The following ZNF432 variants were observed in gnomAD, a reference collection of about 807,000 sequenced individuals.
The protein encoded by ZNF432 is zinc finger protein 432.
ZNF432 carries 10 observed loss-of-function variants against 13.9 expected under a neutral mutation model. The ratio of observed to expected loss-of-function variants is 0.72; its 90% CI spans 0.44 to 1.22. ZNF432 has a LOEUF of 1.22. ZNF432 is among the 50% of genes most tolerant of loss of function. The pLI, the probability that ZNF432 is intolerant of heterozygous loss-of-function variation, is 0.00. For synonymous variants in ZNF432, 247 were observed against 256.2 expected (o/e 0.96, Z 0.34); for missense variants, 793 against 796.2 (o/e 1.00, Z 0.05).
rs774434318 is a variant in ZNF432 at position 52,034,718 on chromosome 19, C to G, written c.961G>C (p.Glu321Gln). The change falls in exon 5 of 5, where the codon GAA becomes CAA. Residue 321 changes from glutamate (E) to glutamine (Q), a missense_variant. Transcript: ENST00000221315. ...HTGEKSYICS[E>Q]CGKGFTGKSM... ...TTCCCAGTGAAGCCTTTTCCACATT[C>G]ACTACATATATAGGATTTCTCTCCA... 1 of 1,613,952 alleles carries G rather than the reference C, an allele frequency of 6.2e-7. No individual in the cohort carries two copies. The highest frequency in any genetic ancestry group is 1.7e-5 in the Admixed American group (1 of 59,996).
At position 52,034,555 on chromosome 19, in the gene ZNF432, C is replaced by T. The variant is rs746394212; in HGVS notation, c.1124G>A (p.Cys375Tyr). 1 of 1,613,642 alleles carries T rather than the reference C, an allele frequency of 6.2e-7. No homozygotes were observed. The highest frequency in any genetic ancestry group is 1.1e-5 in the South Asian group (1 of 91,064). The change falls in exon 5 of 5, where the codon TGC (cysteine) becomes TAC (tyrosine). Residue 375 changes from cysteine (C) to tyrosine (Y), a missense_variant. Physicochemically the swap from Cys to Tyr is radical, Grantham distance 194. Transcript: ENST00000221315. ...GGTGAAGCCTTTCCCACATTCATTG[C>T]ATATATATGGTTTCTCTCCTGTATG... ...RNHTGEKPYI[C>Y]NECGKGFTMK...
chr19:52,045,319 TATGAAGAGGGA>T (rs1488906101), intron 2 of ZNF432, among the ~76,000 whole-genome samples: 1 of 151,740 alleles, frequency 6.6e-6, no homozygotes, highest in Non-Finnish European at 1.5e-5. Flanking sequence ...GGAAGAAAGT[TATGAAGAGGGA>T]ATCTACTTTT....
At chr19:52,041,704 A>G (rs1412688868) in intron 2 of ZNF432, 98 bp from the exon 3 acceptor site, 2 of 1,417,348 alleles carry the variant, frequency 1.4e-6, no homozygotes, top group African/African-American at 1.4e-5. Context: ...TTAAACATAT[A>G]GACTGCATCC....
At chr19:52,048,128 AAC>A (rs3138637) in intron 1 of ZNF432, among the ~76,000 whole-genome samples, 2,887 of 103,302 alleles carry the variant, frequency 0.028, 48 homozygotes, top group East Asian at 0.084. Context: ...GTTTGAGCTC[AAC>A]ACACACACAC....
At chr19:52,037,051 T>G (rs2087089086) in intron 4 of ZNF432, among the ~76,000 whole-genome samples, 1 of 152,232 alleles carries the variant, frequency 6.6e-6, no homozygotes, top group Admixed American at 6.5e-5. Context: ...CATGTGGTTT[T>G]GGGATTATTT....
chr19:52,034,430 T>C lies in ZNF432; in HGVS notation c.1249A>G (p.Ile417Val). ...ACTGTATGATTTCTCTGATGTACAA[T>C]AAGATTACTCTTCCTGGGAAAGCCT... ...GKGFPRKSNL[I>V]VHQRNHTVEK... is the part of the protein sequence containing the mutation. Residue 417 changes from isoleucine (I) to valine (V), a missense_variant, in exon 5 of 5, where the codon ATT becomes GTT. By Grantham distance (29) the Ile-to-Val change is conservative (BLOSUM62 3). Coordinates refer to ENST00000221315, the MANE Select transcript of ZNF432 (RefSeq NM_014650.4). 1 of 1,614,058 alleles carries C rather than the reference T, an allele frequency of 6.2e-7. No homozygotes were observed. Among genetic ancestry groups the C allele is most frequent in the Non-Finnish European group, 8.5e-7 (1 of 1,180,006 alleles).
At chr19:52,048,178 CACACAA>C (rs1180713622) in intron 1 of ZNF432, among the ~76,000 whole-genome samples, 9 of 143,930 alleles carry the variant, frequency 6.3e-5, no homozygotes, top group African/African-American at 2.2e-4. Flanking sequence ...CACACACACA[CACACAA>C]AACCAGCCAG....
At chr19:52,035,725 G>A (rs2087074943) in intron 4 of ZNF432, among the ~76,000 whole-genome samples, 1 of 152,022 alleles carries the variant, frequency 6.6e-6, no homozygotes, top group Non-Finnish European at 1.5e-5. Context: ...TAGAGACAGG[G>A]TTTCAATATG....
At position 52,048,745 on chromosome 19, in the gene ZNF432, C is replaced by T. The variant is rs1427710989; in HGVS notation, c.-243G>A. 6.5e-6 allele frequency: 1 copy of T among 152,862 alleles called. No individual in the cohort carries two copies. The highest frequency in any genetic ancestry group is 1.5e-5 in the Non-Finnish European group (1 of 68,348). The allele number at this position is 152,862 out of a possible 1,614,324, so 9.5% of individuals were successfully genotyped here. A position where few individuals can be genotyped will look rare whatever the true frequency, so the allele number is the denominator to read the frequency against. On this transcript the variant is annotated 5_prime_UTR_variant, in exon 1 of 5. Transcript: ENST00000221315. Reference sequence around the variant, plus strand: ...CCTCTTAAAAGCTGAACTTACTTCCCTAAACTTCTTCCACTTCTGGGCCCC... The same window carrying T: ...CCTCTTAAAAGCTGAACTTACTTCCTTAAACTTCTTCCACTTCTGGGCCCC...
rs374757637 is a variant in ZNF432, at chr19:52,046,987, A to C, written c.-119T>G. ...CCAGTGAAGGGTGTCCACAGAAATC[A>C]TATCTAGGTCCTGGAATCTTCCTCT... On this transcript the variant is annotated 5_prime_UTR_variant, in exon 2 of 5. An upstream start codon of the reference 5' UTR is lost. Transcript: ENST00000221315. 2 of 1,005,146 alleles carry C rather than the reference A, an allele frequency of 2.0e-6. No homozygotes were observed. The highest frequency in any genetic ancestry group is 3.0e-6 in the Non-Finnish European group (2 of 674,158). The allele number at this position is 1,005,146 out of a possible 1,614,324, so 62.3% of individuals were successfully genotyped here.
At chr19:52,039,834 A>C (rs2087117255) in intron 4 of ZNF432, among the ~76,000 whole-genome samples, 1 of 150,810 alleles carries the variant, frequency 6.6e-6, no homozygotes, top group African/African-American at 2.4e-5. Context: ...ATCTCAAAAA[A>C]AAAAAAAAAA....
chr19:52,041,445 G>C (rs758724035), intron 3 of ZNF432, 35 bp downstream of exon 3: 1 of 1,546,896 alleles, frequency 6.5e-7, no homozygotes, highest in East Asian at 2.3e-5. Flanking sequence ...CACAGACTGG[G>C]CACCCTCCAG....
At chr19:52,047,803 A>G (rs1456332628) in intron 1 of ZNF432, among the ~76,000 whole-genome samples, 1 of 152,136 alleles carries the variant, frequency 6.6e-6, no homozygotes, top group Non-Finnish European at 1.5e-5. Context: ...AAAAATATAA[A>G]TACTGGGAAA....
chr19:52,048,072 A>C (rs1003598176), intron 1 of ZNF432, among the ~76,000 whole-genome samples: 1 of 149,498 alleles, frequency 6.7e-6, no homozygotes, highest in Non-Finnish European at 1.5e-5. Context: ...CTCGGACCTG[A>C]AACTTTTAGG....
chr19:52,045,099 C>T (rs1487080348), intron 2 of ZNF432, among the ~76,000 whole-genome samples: 2 of 152,158 alleles, frequency 1.3e-5, no homozygotes, highest in Non-Finnish European at 2.9e-5. Flanking sequence ...AGCCCACAGG[C>T]CACAGGTTGT....
In ZNF432 at chr19:52,032,353, G is replaced by A. The variant is rs2087021951; in HGVS notation, c.*1367C>T. 6.6e-6 allele frequency: 1 copy of A among 151,300 alleles called. No homozygotes were observed. Among genetic ancestry groups the A allele is most frequent in the African/African-American group, 2.4e-5 (1 of 41,176 alleles). The allele number at this position is 151,300 out of a possible 1,614,324, so 9.4% of individuals were successfully genotyped here. Reference sequence around the variant, plus strand: ...CCCGCTTTACAATTATGGAATCATTGATAATATGATGCAAGGTATGCTGTC... The same window carrying A: ...CCCGCTTTACAATTATGGAATCATTAATAATATGATGCAAGGTATGCTGTC... On this transcript the variant is annotated 3_prime_UTR_variant, in exon 5 of 5. Coordinates refer to ENST00000221315, the MANE Select transcript of ZNF432 (RefSeq NM_014650.4).
Position 52,035,295 on chromosome 19 carries a change from A to T in ZNF432, c.384T>A (p.Asp128Glu), listed in dbSNP as rs1276397700. 1.2e-6 allele frequency: 2 copies of T among 1,610,984 alleles called. No homozygotes were observed. The highest frequency in any genetic ancestry group is 3.4e-5 in the Admixed American group (2 of 59,330). The stretch of plus-strand genomic sequence containing the variant: ...AAGTTTTTATATATAACTCAAATGT[A>T]TCATGATTTTCCCTGAAAAGACAAA... ...KSLCLFRENHDTFELYIKTLK... is the reference protein window; with the variant it reads ...KSLCLFRENHETFELYIKTLK... The change falls in exon 5 of 5, where the codon GAT becomes GAA. Residue 128 changes from aspartate (D) to glutamate (E), a missense_variant. Physicochemically the swap from Asp to Glu is conservative, Grantham distance 45 (BLOSUM62 2). Transcript: ENST00000221315.
At chr19:52,039,115 C>G (rs1356859512) in intron 4 of ZNF432, among the ~76,000 whole-genome samples, 3 of 152,246 alleles carry the variant, frequency 2.0e-5, no homozygotes, top group African/African-American at 7.2e-5. Flanking sequence ...TACTGTCACA[C>G]ACTGTGTGGC....
rs575465974 is a variant in ZNF432 at position 52,034,446 on chromosome 19, G to A, written c.1233C>T (p.Pro411=). Residue 411 remains proline, a synonymous_variant, in exon 5 of 5, where the codon CCC becomes CCT. Coordinates refer to ENST00000221315, the MANE Select transcript of ZNF432 (RefSeq NM_014650.4). ...GATGTACAATAAGATTACTCTTCCT[G>A]GGAAAGCCTTTTCCACATTCACTGC... ...YICSECGKGF[P]RKSNLIVHQR... The A allele has an allele frequency of 4.3e-5, 69 of 1,613,622 alleles. No individual in the cohort carries two copies. The Admixed American group carries it at 8.8e-4, about 21-fold the overall frequency.
Sources: gnomAD v4.1 joint callset for allele counts (sites outside exome capture counted in the v4.1 genomes callset) on GRCh38, gnomAD v4.1.1 for gene constraint, MANE v1.5 for transcripts, NCBI Gene and HGNC (gene_info 2026-07-23, HGNC 2026-07-21) for gene names.